The following LRRC3B variants were observed in gnomAD, a reference collection of about 807,000 sequenced individuals.
LRRC3B encodes leucine-rich repeat-containing protein 3B.
A neutral mutation model predicts 12.8 loss-of-function variants in LRRC3B; 2 were observed. The ratio of observed to expected loss-of-function variants is 0.16; its 90% CI spans 0.06 to 0.49. LRRC3B has a LOEUF of 0.49. Ranked by LOEUF, LRRC3B falls within the 20% of genes least tolerant of loss-of-function variation. The pLI, the probability that LRRC3B is intolerant of heterozygous loss-of-function variation, is 0.96. For synonymous variants in LRRC3B, 132 were observed against 122.0 expected (o/e 1.08, Z -0.54); for missense variants, 189 against 319.4 (o/e 0.59, Z 3.11).
At chr3:26,695,550 C>G (rs1002445747) in intron 1 of LRRC3B, among the ~76,000 whole-genome samples, 1 of 151,956 alleles carries the variant, frequency 6.6e-6, no homozygotes, top group Non-Finnish European at 1.5e-5. Flanking sequence ...AACAAAAAAA[C>G]TTCTTGATTT....
rs191923580 is a variant in LRRC3B, at chr3:26,636,323, G to A, written c.-161+13086G>A. ...AGTGGGCAGGTTGCCATAGAAGGAT[G>A]TGATTTTTTTTTACAAAATGGTGAC... On this transcript the variant is annotated intron_variant, in intron 1 of 1. Transcript: ENST00000396641. Among the ~76,000 whole-genome samples the A allele has an allele frequency of 2.7e-3, 408 of 151,876 alleles. 1 individual carries two copies. Among genetic ancestry groups the A allele is most frequent in the African/African-American group, 9.3e-3 (387 of 41,396 alleles).
At chr3:26,636,974 C>CTTTCTTTCTTTCTTTCTT in intron 1 of LRRC3B, among the ~76,000 whole-genome samples, 1 of 112,270 alleles carries the variant, frequency 8.9e-6, no homozygotes, top group South Asian at 3.1e-4. Flanking sequence ...TTCTTTCTTT[C>CTTTCTTTCTTTCTTTCTT]TCTCTCTCTC....
intron 1 of LRRC3B, among the ~76,000 whole-genome samples, chr3:26,652,702 C>CT (rs201300376): frequency 0.035 from 5,303 of 151,464 alleles, 133 homozygotes; most frequent in South Asian, 0.048. Flanking sequence ...CTTTATTTTT[C>CT]TTTTTTTTAA....
intron 1 of LRRC3B, among the ~76,000 whole-genome samples, chr3:26,645,790 A>T (rs1699131431): frequency 6.6e-6 from 1 of 152,218 alleles, no homozygotes; most frequent in Non-Finnish European, 1.5e-5. Context: ...TGAGGGTATC[A>T]TGTCAGAAAG....
intron 1 of LRRC3B, among the ~76,000 whole-genome samples, chr3:26,680,002 C>T (rs950470104): frequency 6.6e-6 from 1 of 152,198 alleles, no homozygotes; most frequent in Non-Finnish European, 1.5e-5. Context: ...TCTTCTTCAG[C>T]CTGCAGAGGA....
chr3:26,644,705 A>G (rs1017384108), intron 1 of LRRC3B, among the ~76,000 whole-genome samples: 3 of 152,230 alleles, frequency 2.0e-5, no homozygotes, highest in Non-Finnish European at 4.4e-5. Flanking sequence ...GGAAATTTGA[A>G]AACCCACTGC....
At chr3:26,650,661 T>C (rs1040857208) in intron 1 of LRRC3B, among the ~76,000 whole-genome samples, 1 of 152,214 alleles carries the variant, frequency 6.6e-6, no homozygotes, top group Admixed American at 6.5e-5. Context: ...AATATTTTGT[T>C]GTAGTAGTTA....
intron 1 of LRRC3B, among the ~76,000 whole-genome samples, chr3:26,703,741 A>G (rs1700514665): frequency 1.3e-5 from 2 of 151,432 alleles, no homozygotes; most frequent in African/African-American, 4.9e-5. Context: ...CTATTTTTGT[A>G]TATGGTGTGG....
intron 1 of LRRC3B, among the ~76,000 whole-genome samples, chr3:26,686,097 C>T (rs893482144): frequency 4.0e-5 from 6 of 148,822 alleles, no homozygotes; most frequent in Admixed American, 6.7e-5. Context: ...TTTTTTTTTT[C>T]GAGATGGAGT....
chr3:26,703,386 A>G (rs1700506841), intron 1 of LRRC3B, among the ~76,000 whole-genome samples: 1 of 152,154 alleles, frequency 6.6e-6, no homozygotes, highest in Non-Finnish European at 1.5e-5. Flanking sequence ...AGCTTCCTAC[A>G]GCAAAAGAGG....
intron 1 of LRRC3B, among the ~76,000 whole-genome samples, chr3:26,702,891 G>GGA (rs1457067111): frequency 3.9e-5 from 6 of 152,104 alleles, no homozygotes; most frequent in Non-Finnish European, 5.9e-5. Context: ...AGTGGAGGCG[G>GGA]GAGTCATTGG....
intron 1 of LRRC3B, among the ~76,000 whole-genome samples, chr3:26,707,810 G>A (rs1439293934): frequency 2.6e-5 from 4 of 151,302 alleles, no homozygotes; most frequent in Non-Finnish European, 4.4e-5. Flanking sequence ...GATTCCTAGA[G>A]TCCCCAAGTA....
intron 1 of LRRC3B, among the ~76,000 whole-genome samples, chr3:26,649,300 T>C (rs1017220536): frequency 2.0e-5 from 3 of 152,240 alleles, no homozygotes; most frequent in Admixed American, 6.5e-5. Flanking sequence ...CAGCCTCTAC[T>C]GGTCTTAGTG....
intron 1 of LRRC3B, among the ~76,000 whole-genome samples, chr3:26,689,389 G>T (rs1700146833): frequency 6.6e-6 from 1 of 152,182 alleles, no homozygotes; most frequent in Non-Finnish European, 1.5e-5. Flanking sequence ...AGTCCTGACA[G>T]GTTAAACAAT....
chr3:26,682,848 C>T (rs1327083674), intron 1 of LRRC3B, among the ~76,000 whole-genome samples: 1 of 152,204 alleles, frequency 6.6e-6, no homozygotes, highest in Non-Finnish European at 1.5e-5. Flanking sequence ...TCTTCTACAT[C>T]AATTAGCTCT....
intron 1 of LRRC3B, among the ~76,000 whole-genome samples, chr3:26,671,400 A>AGAGAGAGAGAGG (rs1699740786): frequency 7.9e-6 from 1 of 126,940 alleles, no homozygotes; most frequent in African/African-American, 3.1e-5. Flanking sequence ...AGAGAGAGAG[A>AGAGAGAGAGAGG]GAGAGAGAGA....
chr3:26,669,249 G>C (rs994048500), intron 1 of LRRC3B, among the ~76,000 whole-genome samples: 3 of 152,098 alleles, frequency 2.0e-5, no homozygotes, highest in Non-Finnish European at 4.4e-5. Flanking sequence ...GATGAGTGTC[G>C]TGCAGAGCTA....
At chr3:26,695,714 A>C (rs1700299281) in intron 1 of LRRC3B, among the ~76,000 whole-genome samples, 1 of 151,640 alleles carries the variant, frequency 6.6e-6, no homozygotes, top group African/African-American at 2.4e-5. Context: ...GAAATGTTAT[A>C]GAATCTGTAG....
chr3:26,689,003 CT>C (rs1700139941), intron 1 of LRRC3B, among the ~76,000 whole-genome samples: 1 of 152,128 alleles, frequency 6.6e-6, no homozygotes, highest in African/African-American at 2.4e-5. Context: ...TCACCAAGGC[CT>C]CAGTTATCCC....
Sources: allele counts gnomAD v4.1 joint callset (sites outside exome capture counted in the v4.1 genomes callset), GRCh38; gene constraint gnomAD v4.1.1; transcripts MANE v1.5; gene names NCBI Gene and HGNC (gene_info 2026-07-23, HGNC 2026-07-21).